Variants in DLC1 observed in about 807,000 individuals in gnomAD.
The protein encoded by DLC1 is rho GTPase-activating protein 7.
Under a neutral mutation model 140.3 loss-of-function variants are expected in DLC1, and 54 were observed. That is an observed-to-expected ratio of 0.38 (90% CI 0.31 to 0.48). The LOEUF (loss-of-function observed/expected upper bound fraction) is 0.48. Ranked by LOEUF, DLC1 falls within the 20% of genes least tolerant of loss-of-function variation. The pLI is 0.96. For synonymous variants in DLC1, 986 were observed against 728.1 expected (o/e 1.35, Z -5.70); for missense variants, 2,536 against 1,907.0 (o/e 1.33, Z -6.14).
chr8:13,350,651 G>T (rs1158406941), intron 4 of DLC1, among the ~76,000 whole-genome samples: 1 of 152,112 alleles, frequency 6.6e-6, no homozygotes, highest in African/African-American at 2.4e-5. Flanking sequence ...GGGAGGCGGA[G>T]GTTGCAGTGA....
intron 5 of DLC1, among the ~76,000 whole-genome samples, chr8:13,281,779 T>C (rs1831373926): frequency 6.6e-6 from 1 of 152,224 alleles, no homozygotes; most frequent in African/African-American, 2.4e-5. Flanking sequence ...AGAGAAGGAC[T>C]TCCTTTTCTT....
intron 1 of DLC1, among the ~76,000 whole-genome samples, chr8:13,509,063 A>G (rs1802240292): frequency 6.6e-6 from 1 of 152,208 alleles, no homozygotes; most frequent in Non-Finnish European, 1.5e-5. Flanking sequence ...GCAAAGCAGT[A>G]TGATTGAAAT....
chr8:13,531,352 A>G (rs965450138), intron 1 of DLC1, among the ~76,000 whole-genome samples: 2 of 152,130 alleles, frequency 1.3e-5, no homozygotes, highest in Admixed American at 6.5e-5. Flanking sequence ...TTGGAAGGCC[A>G]AGGCGGGCGG....
At chr8:13,190,039 C>A (rs192297963) in intron 5 of DLC1, among the ~76,000 whole-genome samples, 3 of 152,076 alleles carry the variant, frequency 2.0e-5, no homozygotes, top group Admixed American at 2.0e-4. Flanking sequence ...TTCCAGTAGC[C>A]GCTGCAAAAA....
intron 2 of DLC1, among the ~76,000 whole-genome samples, chr8:13,472,260 G>C (rs1366584065): frequency 3.3e-5 from 5 of 152,088 alleles, no homozygotes; most frequent in Admixed American, 2.0e-4. Context: ...AAAGATTGCT[G>C]TTCTCAGTAC....
At chr8:13,586,037 C>A (rs944545712) in intron 1 of DLC1, among the ~76,000 whole-genome samples, 4 of 152,128 alleles carry the variant, frequency 2.6e-5, no homozygotes, top group African/African-American at 9.7e-5. Context: ...GAATGATTCT[C>A]AACCATGGCT....
Position 13,481,842 on chromosome 8 carries a change from A to G in DLC1, c.1023+17207T>C, listed in dbSNP as rs79976672. ...ATGGACAGGCCAGTATTCCAACTCA[A>G]CTGATGTCCTTAAAAAGGGGGAAAT... is the stretch of plus-strand genomic sequence containing the variant. On this transcript the variant is annotated intron_variant, in intron 2 of 17. Transcript: ENST00000276297. 3.7e-4 allele frequency among the ~76,000 whole-genome samples: 56 copies of G among 152,340 alleles called. No individual in the cohort carries two copies. In the East Asian group the frequency reaches 0.011, roughly 29 times the overall value.
At chr8:13,584,802 A>C (rs1159906336) in intron 1 of DLC1, among the ~76,000 whole-genome samples, 6 of 152,166 alleles carry the variant, frequency 3.9e-5, no homozygotes, top group Admixed American at 3.9e-4. Flanking sequence ...GGAACTGTGC[A>C]CACACCCAGG....
chr8:13,436,181 C>A (rs1282485823), intron 2 of DLC1, among the ~76,000 whole-genome samples: 1 of 152,172 alleles, frequency 6.6e-6, no homozygotes, highest in South Asian at 2.1e-4. Flanking sequence ...GGAATGGAAC[C>A]TATAATATCT....
chr8:13,359,948 G>A (rs1835147812), intron 4 of DLC1, among the ~76,000 whole-genome samples: 1 of 152,168 alleles, frequency 6.6e-6, no homozygotes, highest in Non-Finnish European at 1.5e-5. Context: ...TGACAGAAAT[G>A]AGACACTTGT....
intron 1 of DLC1, among the ~76,000 whole-genome samples, chr8:13,571,741 A>G (rs1804659530): frequency 6.6e-6 from 1 of 152,210 alleles, no homozygotes; most frequent in African/African-American, 2.4e-5. Flanking sequence ...GAATTGCTGG[A>G]TCACGTGGTA....
intron 4 of DLC1, chr8:13,341,389 C>T (rs554506856): frequency 2.6e-5 from 4 of 152,256 alleles, no homozygotes; most frequent in South Asian, 4.2e-4. Flanking sequence ...TTCTTGAACT[C>T]CAGCGTGCGT....
chr8:13,095,916 A>G (rs1170460364), intron 10 of DLC1: 1 of 152,316 alleles, frequency 6.6e-6, no homozygotes, highest in Admixed American at 6.5e-5. Context: ...GATGACCCGG[A>G]GAACATTACA....
chr8:13,354,023 G>A (rs1479468691), intron 4 of DLC1, among the ~76,000 whole-genome samples: 1 of 144,832 alleles, frequency 6.9e-6, no homozygotes, highest in Non-Finnish European at 1.5e-5. Context: ...TTTGGACTCT[G>A]CCATCCAGAC....
chr8:13,559,236 C>T (rs1208892784), intron 1 of DLC1: 1 of 152,238 alleles, frequency 6.6e-6, no homozygotes, highest in Non-Finnish European at 1.5e-5. Context: ...GCAGCAAAAG[C>T]ATGGGCGCAA....
At chr8:13,339,891 C>T (rs912744166) in intron 4 of DLC1, 3 of 152,166 alleles carry the variant, frequency 2.0e-5, no homozygotes, top group Admixed American at 6.5e-5. Flanking sequence ...GATTGAATGT[C>T]CGCTATGTGC....
chr8:13,520,465 G>A (rs1802729684), intron 1 of DLC1, among the ~76,000 whole-genome samples: 1 of 152,008 alleles, frequency 6.6e-6, no homozygotes, highest in South Asian at 2.1e-4. Flanking sequence ...ACACACTGGA[G>A]CCTGTAGGGG....
intron 4 of DLC1, among the ~76,000 whole-genome samples, chr8:13,345,547 C>CTTTTTTTTTTTTTGTTT (rs1834291230): frequency 1.5e-5 from 1 of 67,520 alleles, no homozygotes; most frequent in Non-Finnish European, 2.6e-5. Flanking sequence ...TTCACTCACA[C>CTTTTTTTTTTTTTGTTT]TTTTTTTTTT....
rs147212510 is a variant in DLC1 at position 13,322,141 on chromosome 8, T to C, written c.1315-16839A>G. Among the ~76,000 whole-genome samples the C allele has an allele frequency of 1.9e-4, 29 of 152,336 alleles. No individual in the cohort carries two copies. In the East Asian group the frequency reaches 4.8e-3, roughly 25 times the overall value. On this transcript the variant is annotated intron_variant, in intron 4 of 17. Transcript: ENST00000276297. ...CCTTCATAACAAGAAAAATTTAGAATAGAAAATACTTCAAAATTGCTTTTA... is the reference window on the plus strand; with the variant it reads ...CCTTCATAACAAGAAAAATTTAGAACAGAAAATACTTCAAAATTGCTTTTA...
Sources: allele counts gnomAD v4.1 joint callset (sites outside exome capture counted in the v4.1 genomes callset), GRCh38; gene constraint gnomAD v4.1.1; transcripts MANE v1.5; gene names NCBI Gene and HGNC (gene_info 2026-07-23, HGNC 2026-07-21).